The following KAZN variants were observed in gnomAD, a reference collection of about 807,000 sequenced individuals.
KAZN encodes the protein kazrin, periplakin interacting protein.
In KAZN, 40 loss-of-function variants were observed where a neutral mutation model predicts 87.4. That is an observed-to-expected ratio of 0.46 (90% CI 0.36 to 0.60). The LOEUF (loss-of-function observed/expected upper bound fraction) is 0.60, where lower values mean the gene tolerates loss of function less well. KAZN is among the 20% of genes least tolerant of loss of function. The pLI is 0.00. For missense variants in KAZN, 898 were observed against 1,073.9 expected, an observed-to-expected ratio of 0.84 and a Z score of 2.29; for synonymous variants, 466 against 458.3, an observed-to-expected ratio of 1.02 and a Z score of -0.22.
intron 2 of KAZN, among the ~76,000 whole-genome samples, chr1:14,246,278 C>T (rs1431764572): frequency 6.6e-6 from 1 of 152,120 alleles, no homozygotes; most frequent in Non-Finnish European, 1.5e-5. Context: ...CCATGGCACA[C>T]ATTTACCTAT....
chr1:14,032,609 A>G (rs1223350974), intron 1 of KAZN, among the ~76,000 whole-genome samples: 2 of 152,100 alleles, frequency 1.3e-5, no homozygotes, highest in South Asian at 2.1e-4. Flanking sequence ...GGTGTTTCCC[A>G]TCCATTCTGC....
At chr1:14,477,863 C>T (rs1031424500) in intron 2 of KAZN, among the ~76,000 whole-genome samples, 4 of 152,170 alleles carry the variant, frequency 2.6e-5, no homozygotes, top group African/African-American at 7.2e-5. Flanking sequence ...GCCGTGGAGT[C>T]GGCAGATAAA....
At chr1:14,930,380 A>T (rs1659672955) in intron 1 of KAZN, among the ~76,000 whole-genome samples, 1 of 152,152 alleles carries the variant, frequency 6.6e-6, no homozygotes, top group Non-Finnish European at 1.5e-5. Context: ...AGAAGTAAAA[A>T]CAACAGCTGC....
intron 2 of KAZN, among the ~76,000 whole-genome samples, chr1:15,008,365 C>T (rs1018986831): frequency 6.6e-6 from 1 of 152,168 alleles, no homozygotes; most frequent in Admixed American, 6.5e-5. Flanking sequence ...TGAGAGTAGT[C>T]GGCCTTGCTG....
chr1:14,909,577 C>T (rs1343207595), intron 1 of KAZN, among the ~76,000 whole-genome samples: 1 of 152,188 alleles, frequency 6.6e-6, no homozygotes, highest in Non-Finnish European at 1.5e-5. Flanking sequence ...TTGCATCTTT[C>T]AAAGCCAGGG....
Position 15,066,421 on chromosome 1 carries a change from G to A in KAZN, c.1222+668G>A, listed in dbSNP as rs1416110929. Reference sequence around the variant, plus strand: ...ACTTTAACCACAAAACGCCATCGTCGTCAGGGTAAGCTCTGCTCTCTACAA... The same window carrying A: ...ACTTTAACCACAAAACGCCATCGTCATCAGGGTAAGCTCTGCTCTCTACAA... On this transcript the variant is annotated intron_variant, in intron 8 of 14. Coordinates refer to ENST00000376030, the MANE Select transcript of KAZN (RefSeq NM_201628.3). The surrounding 1 kb of genome is among the most constrained non-coding windows in gnomAD (Gnocchi z 4.3). The A allele has an allele frequency of 6.1e-6, 6 of 984,690 alleles. No homozygotes were observed. The highest frequency in any genetic ancestry group is 1.8e-5 in the African/African-American group (1 of 57,010). The allele number at this position is 984,690 out of a possible 1,614,324, so 61.0% of individuals were successfully genotyped here. A position where few individuals can be genotyped will look rare whatever the true frequency, so the allele number is the denominator to read the frequency against.
intron 1 of KAZN, among the ~76,000 whole-genome samples, chr1:14,765,590 A>G (rs1056738470): frequency 3.3e-5 from 5 of 152,216 alleles, no homozygotes; most frequent in African/African-American, 9.7e-5. Flanking sequence ...TAGGAGAGAC[A>G]GGGAGAGCCT....
intron 2 of KAZN, among the ~76,000 whole-genome samples, chr1:14,206,697 A>AT (rs1345007106): frequency 8.3e-4 from 77 of 92,288 alleles, no homozygotes; most frequent in African/African-American, 2.1e-3. Flanking sequence ...CTTCATGAGC[A>AT]TTTTCTTTTT....
intron 2 of KAZN, among the ~76,000 whole-genome samples, chr1:15,015,917 G>A (rs1032790014): frequency 6.6e-6 from 1 of 152,156 alleles, no homozygotes; most frequent in African/African-American, 2.4e-5. Context: ...CACTGTGATC[G>A]GAGGGCAGGG....
chr1:13,982,816 G>T (rs570124845), intron 1 of KAZN, among the ~76,000 whole-genome samples: 175 of 152,184 alleles, frequency 1.1e-3, no homozygotes, highest in Admixed American at 3.1e-3. Context: ...TAGACACAGG[G>T]TGCTGATTGG....
At chr1:14,973,490 G>A (rs537699475) in intron 2 of KAZN, among the ~76,000 whole-genome samples, 15 of 152,262 alleles carry the variant, frequency 9.9e-5, no homozygotes, top group East Asian at 1.9e-4. Flanking sequence ...CCCACTGGCC[G>A]GGGTCATACA....
intron 1 of KAZN, among the ~76,000 whole-genome samples, chr1:14,742,763 A>C (rs1644144656): frequency 6.6e-6 from 1 of 152,244 alleles, no homozygotes; most frequent in African/African-American, 2.4e-5. Context: ...AGCACAGTTC[A>C]AAACCCATTT....
At chr1:14,924,483 G>C in intron 1 of KAZN, 2 of 995,138 alleles carry the variant, frequency 2.0e-6, no homozygotes, top group Non-Finnish European at 2.4e-6. Flanking sequence ...CCCGCAGCCT[G>C]CGAGCAGTGC....
chr1:15,020,389 A>T (rs1215252865), intron 2 of KAZN, among the ~76,000 whole-genome samples: 1 of 152,132 alleles, frequency 6.6e-6, no homozygotes, highest in Non-Finnish European at 1.5e-5. Flanking sequence ...CAAGAATAGG[A>T]CCTCATTCGC....
chr1:15,095,728 T>G (rs1640779738), intron 10 of KAZN, among the ~76,000 whole-genome samples: 1 of 152,148 alleles, frequency 6.6e-6, no homozygotes, highest in Admixed American at 6.5e-5. Context: ...TGTAGTTAGT[T>G]AATCAAACCT....
intron 1 of KAZN, among the ~76,000 whole-genome samples, chr1:13,902,589 G>A (rs1182675711): frequency 1.3e-5 from 2 of 152,158 alleles, no homozygotes; most frequent in Non-Finnish European, 2.9e-5. Context: ...ATGAATGGGT[G>A]CAAAAATACA....
intron 2 of KAZN, among the ~76,000 whole-genome samples, chr1:14,270,266 C>T (rs535877609): frequency 1.3e-5 from 2 of 152,266 alleles, no homozygotes; most frequent in Admixed American, 1.3e-4. Context: ...GTGGGGCCAG[C>T]CCCACTAAAA....
intron 13 of KAZN, among the ~76,000 whole-genome samples, chr1:15,111,128 G>C (rs964559642): frequency 1.2e-4 from 18 of 152,308 alleles, no homozygotes; most frequent in African/African-American, 4.3e-4. Context: ...CCAAGAGTTT[G>C]AGAACGTAGC....
At chr1:15,046,213 G>A (rs1363491079) in intron 4 of KAZN, among the ~76,000 whole-genome samples, 6 of 151,286 alleles carry the variant, frequency 4.0e-5, no homozygotes, top group Non-Finnish European at 7.4e-5. Flanking sequence ...CAGGAGAATC[G>A]TTTGAACCCG....
Sources: gnomAD v4.1 joint callset for allele counts (sites outside exome capture counted in the v4.1 genomes callset) on GRCh38, gnomAD v4.1.1 for gene constraint, Gnocchi (gnomAD v3.1) non-coding constraint, MANE v1.5 for transcripts, NCBI Gene and HGNC (gene_info 2026-07-23, HGNC 2026-07-21) for gene names.